Variants in NCAN observed in about 807,000 individuals in gnomAD.
The protein encoded by NCAN is neurocan.
A neutral mutation model predicts 121.8 loss-of-function variants in NCAN; 47 were observed. The ratio of observed to expected loss-of-function variants is 0.39; its 90% confidence interval spans 0.31 to 0.49. NCAN has a LOEUF of 0.49. Among genes scored for constraint, NCAN ranks in the 20% least tolerant of loss-of-function variants. The probability of loss-of-function intolerance (pLI) is 0.92; values close to 1 mark genes in which losing one functional copy is unlikely to be tolerated. For synonymous variants in NCAN, 633 were observed against 702.0 expected (o/e 0.90, Z 1.55); for missense variants, 1,517 against 1,773.4 (o/e 0.86, Z 2.60).
Position 19,227,088 on chromosome 19 carries a change from G to T in NCAN, c.1660+15G>T. 1 of 1,506,132 alleles carries T rather than the reference G, an allele frequency of 6.6e-7. No homozygotes were observed. Among genetic ancestry groups the T allele is most frequent in the South Asian group, 1.4e-5 (1 of 73,266 alleles). 93.3% of individuals were successfully genotyped at this position (1,506,132 alleles called of 1,614,324 possible). A position where few individuals can be genotyped will look rare whatever the true frequency, so the allele number is the denominator to read the frequency against. On this transcript the variant is annotated intron_variant, in intron 7 of 14. Coordinates refer to ENST00000252575, the MANE Select transcript of NCAN (RefSeq NM_004386.3). This position sits in a 1 kb window ranked among gnomAD's most constrained non-coding sequence, Gnocchi z 4.2. ...GCCTGGAGCTGGTGAGTTGCTCTGG[G>T]GGAGGCGGGACCTACCTGGGGATCT...
chr19:19,249,032 ATGT>A, intron 14 of NCAN, 150 bp downstream of exon 14: 1 of 725,824 alleles, frequency 1.4e-6, no homozygotes, highest in East Asian at 2.8e-5. Flanking sequence ...AGCCTGTCTG[ATGT>A]TTCCTTCATT....
At chr19:19,244,402 G>A (rs1226182078) in intron 12 of NCAN, among the ~76,000 whole-genome samples, 1 of 149,406 alleles carries the variant, frequency 6.7e-6, no homozygotes, top group Admixed American at 6.8e-5. Context: ...CTGCCTCCCA[G>A]GCTCAAGGGA....
intron 3 of NCAN, 152 bp downstream of exon 3, chr19:19,219,468 G>A: frequency 2.4e-6 from 2 of 848,804 alleles, no homozygotes; most frequent in Non-Finnish European, 1.7e-6. Context: ...GCCAAGGCGG[G>A]TGGATTGCTT....
Position 19,225,665 on chromosome 19 carries a change from C to T in NCAN, c.1072+395C>T, listed in dbSNP as rs1223316887. Among the ~76,000 whole-genome samples the T allele has an allele frequency of 6.6e-6, 1 of 152,212 alleles. No homozygotes were observed. The highest frequency in any genetic ancestry group is 2.4e-5 in the African/African-American group (1 of 41,454). ...TGCCTCAATTGGCCACCTCTGGGCACCACACCGGATGTGGGAGCAGGGATG... is the reference window on the plus strand; with the variant it reads ...TGCCTCAATTGGCCACCTCTGGGCATCACACCGGATGTGGGAGCAGGGATG... On this transcript the variant is annotated intron_variant, in intron 6 of 14. Transcript: ENST00000252575. The surrounding 1 kb of genome is among the most constrained non-coding windows in gnomAD (Gnocchi z 4.0).
intron 13 of NCAN, among the ~76,000 whole-genome samples, chr19:19,247,341 C>A (rs2060928092): frequency 6.6e-6 from 1 of 152,132 alleles, no homozygotes; most frequent in Non-Finnish European, 1.5e-5. Flanking sequence ...ACAAGCTCCG[C>A]CTCCCGGGTT....
chr19:19,216,315 ATT>A (rs879701337), intron 1 of NCAN, among the ~76,000 whole-genome samples: 2 of 137,688 alleles, frequency 1.5e-5, no homozygotes, highest in Non-Finnish European at 1.6e-5. Context: ...AGCCCAGATA[ATT>A]TTTTTTTTTT....
rs2097982753 is a variant in NCAN, at chr19:19,250,432, G to A, written c.*521G>A. 6.8e-6 allele frequency: 2 copies of A among 296,288 alleles called. No homozygotes were observed. Among genetic ancestry groups the A allele is most frequent in the South Asian group, 3.2e-5 (1 of 31,552 alleles). 18.4% of individuals were successfully genotyped at this position (296,288 alleles called of 1,614,324 possible). On this transcript the variant is annotated 3_prime_UTR_variant, in exon 15 of 15. Coordinates refer to ENST00000252575, the MANE Select transcript of NCAN (RefSeq NM_004386.3). Reference sequence around the variant, plus strand: ...TGACAACAGCTCTCCCTTTACCCTGGACTTCAGCCCAAGTTCCGTCTTTGG... The same window carrying A: ...TGACAACAGCTCTCCCTTTACCCTGAACTTCAGCCCAAGTTCCGTCTTTGG...
chr19:19,249,045 T>TTG (rs112544518), intron 14 of NCAN, 163 bp downstream of exon 14: 56,993 of 546,666 alleles, frequency 0.1, 1,360 homozygotes, highest in Admixed American at 0.11. Flanking sequence ...TTTCCTTCAT[T>TTG]TGTGTGTGTG....
rs548082990 is a variant in NCAN at position 19,248,582 on chromosome 19, G to A, written c.3638-118G>A. On this transcript the variant is annotated intron_variant, in intron 13 of 14. Transcript: ENST00000252575. Reference sequence around the variant, plus strand: ...GGAGGTTGCAGTGAGGCAAGAGCGCGCCACTGCACTCCAGTCTGGGTGACA... The same window carrying A: ...GGAGGTTGCAGTGAGGCAAGAGCGCACCACTGCACTCCAGTCTGGGTGACA... 8.1e-5 allele frequency: 79 copies of A among 977,488 alleles called. No individual in the cohort carries two copies. The African/African-American group carries it at 1.0e-3, about 13-fold the overall frequency. The allele number at this position is 977,488 out of a possible 1,614,324, so 60.6% of individuals were successfully genotyped here.
Position 19,248,747 on chromosome 19 carries a change from G to A in NCAN, c.3685G>A (p.Ala1229Thr). Residue 1229 changes from alanine to threonine, a missense_variant, in exon 14 of 15, where the codon GCC becomes ACC. Coordinates refer to ENST00000252575, the MANE Select transcript of NCAN (RefSeq NM_004386.3). ...PAVENASLIG[A>T]RKAKYNVHAT... ...AGTGGAGAATGCCTCACTCATCGGTGCCCGCAAGGCCAAGTACAATGTCCA... is the reference window on the plus strand; with the variant it reads ...AGTGGAGAATGCCTCACTCATCGGTACCCGCAAGGCCAAGTACAATGTCCA... 6.2e-7 allele frequency: 1 copy of A among 1,614,180 alleles called. No homozygotes were observed.
At chr19:19,223,223 C>T (rs2060823271) in intron 3 of NCAN, among the ~76,000 whole-genome samples, 1 of 152,154 alleles carries the variant, frequency 6.6e-6, no homozygotes, top group Non-Finnish European at 1.5e-5. Context: ...CACTTAATTC[C>T]TAAAAGGCAG....
At chr19:19,242,136 A>T (rs1187279947) in intron 12 of NCAN, among the ~76,000 whole-genome samples, 3 of 151,952 alleles carry the variant, frequency 2.0e-5, no homozygotes, top group Non-Finnish European at 2.9e-5. Context: ...CAGAGGTTGC[A>T]GTGAGCCAAG....
chr19:19,225,319 A>G lies in NCAN; in HGVS notation c.1072+49A>G. ...CGCCCCCAGGGCTTTCACTTTGGCGAAGGCCACGTCCCTGAAAGCCTCGCC... is the reference window on the plus strand; with the variant it reads ...CGCCCCCAGGGCTTTCACTTTGGCGGAGGCCACGTCCCTGAAAGCCTCGCC... On this transcript the variant is annotated intron_variant, in intron 6 of 14. Coordinates refer to ENST00000252575, the MANE Select transcript of NCAN (RefSeq NM_004386.3). The surrounding 1 kb of genome is among the most constrained non-coding windows in gnomAD (Gnocchi z 4.0). 6.8e-7 allele frequency: 1 copy of G among 1,468,030 alleles called. No homozygotes were observed. The highest frequency in any genetic ancestry group is 8.9e-7 in the Non-Finnish European group (1 of 1,124,818). The allele number at this position is 1,468,030 out of a possible 1,614,324, so 90.9% of individuals were successfully genotyped here.
At chr19:19,237,592 G>C (rs985161698) in intron 10 of NCAN, among the ~76,000 whole-genome samples, 2 of 152,026 alleles carry the variant, frequency 1.3e-5, no homozygotes, top group African/African-American at 4.8e-5. Flanking sequence ...TCATGTGCTT[G>C]TTGGCCATTT....
chr19:19,225,284 C>G lies in NCAN; in HGVS notation c.1072+14C>G, dbSNP rs1278613135. 2 of 1,509,788 alleles carry G rather than the reference C, an allele frequency of 1.3e-6. No homozygotes were observed. The highest frequency in any genetic ancestry group is 2.9e-5 in the African/African-American group (2 of 68,698). The allele number at this position is 1,509,788 out of a possible 1,614,324, so 93.5% of individuals were successfully genotyped here. ...ACTGCTTCCGAGGTGCGTGCGTCCC[C>G]TGGTGGCCGCGCCCCCAGGGCTTTC... On this transcript the variant is annotated intron_variant, in intron 6 of 14. Coordinates refer to ENST00000252575, the MANE Select transcript of NCAN (RefSeq NM_004386.3). The surrounding 1 kb of genome is among the most constrained non-coding windows in gnomAD (Gnocchi z 4.0).
At chr19:19,216,628 G>A (rs1461445928) in intron 1 of NCAN, among the ~76,000 whole-genome samples, 2 of 151,906 alleles carry the variant, frequency 1.3e-5, no homozygotes, top group Non-Finnish European at 2.9e-5. Context: ...TTTAAATAGA[G>A]GTAAGATCTC....
intron 13 of NCAN, among the ~76,000 whole-genome samples, chr19:19,246,994 T>C (rs1287160823): frequency 2.6e-5 from 4 of 152,234 alleles, no homozygotes; most frequent in Non-Finnish European, 2.9e-5. Flanking sequence ...TTGTATACAT[T>C]TGTACATCCA....
At chr19:19,241,007 G>A (rs1052321609) in intron 12 of NCAN, among the ~76,000 whole-genome samples, 3 of 152,172 alleles carry the variant, frequency 2.0e-5, no homozygotes, top group Non-Finnish European at 2.9e-5. Context: ...GGGCATGATG[G>A]CTCATGCCTG....
In NCAN at chr19:19,249,803, C is replaced by A. The variant is rs2060940003; in HGVS notation, c.3858C>A (p.His1286Gln). The A allele has an allele frequency of 2.5e-6, 4 of 1,612,078 alleles. No individual in the cohort carries two copies. Among genetic ancestry groups the A allele is most frequent in the Non-Finnish European group, 3.4e-6 (4 of 1,179,358 alleles). Residue 1286 changes from histidine to glutamine, a missense_variant, in exon 15 of 15, where the codon CAC becomes CAA. Physicochemically the swap from His to Gln is conservative, Grantham distance 24. Coordinates refer to ENST00000252575, the MANE Select transcript of NCAN (RefSeq NM_004386.3). Reference sequence around the variant, plus strand: ...ATCGGATGCGGCGACACCACCACCACCACCAACACCACCACCAGCATCACC... The same window carrying A: ...ATCGGATGCGGCGACACCACCACCAACACCAACACCACCACCAGCATCACC... ...RSHRMRRHHH[H>Q]HQHHHQHHHH... is the part of the protein sequence containing the mutation.
Sources: gnomAD v4.1 joint callset for allele counts (sites outside exome capture counted in the v4.1 genomes callset) on GRCh38, gnomAD v4.1.1 for gene constraint, Gnocchi (gnomAD v3.1) non-coding constraint, MANE v1.5 for transcripts, NCBI Gene and HGNC (gene_info 2026-07-23, HGNC 2026-07-21) for gene names.